The following TSEN34 variants were observed in gnomAD, a reference collection of about 807,000 sequenced individuals.
TSEN34 encodes the protein tRNA splicing endonuclease subunit 34.
A neutral mutation model predicts 30.2 loss-of-function variants in TSEN34; 25 were observed. That is an observed-to-expected ratio of 0.83 (90% CI 0.60 to 1.16). The LOEUF is 1.16. Among genes scored for constraint, TSEN34 ranks in the 50% most tolerant of loss-of-function variants. TSEN34 has a pLI of 0.00. For synonymous variants in TSEN34, 209 were observed against 177.4 expected, an observed-to-expected ratio of 1.18 and a Z score of -1.41; for missense variants, 475 against 411.9, an observed-to-expected ratio of 1.15 and a Z score of -1.33.
chr19:54,191,030 G>C (rs1035378826), upstream of TSEN34: 2 of 1,192,516 alleles, frequency 1.7e-6, no homozygotes, highest in African/African-American at 3.2e-5. Flanking sequence ...ACGCTCCAAG[G>C]CGCAATGGTA....
chr19:54,189,721 G>C (rs1002213273), upstream of TSEN34: 1 of 153,686 alleles, frequency 6.5e-6, no homozygotes, highest in East Asian at 1.9e-4. Flanking sequence ...AATGAGGCGG[G>C]GTCTCCCTTC....
At chr19:54,192,797 G>A (rs887520931) in intron 3 of TSEN34, among the ~76,000 whole-genome samples, 6 of 152,160 alleles carry the variant, frequency 3.9e-5, no homozygotes, top group African/African-American at 1.4e-4. Context: ...CTGAGGTCAG[G>A]AGTTTGATAC....
rs1433857625 is a variant in TSEN34, at chr19:54,191,507, T to G, written c.143T>G (p.Leu48Arg). The G allele has an allele frequency of 6.3e-7, 1 of 1,584,136 alleles. No individual in the cohort carries two copies. Among genetic ancestry groups the G allele is most frequent in the Non-Finnish European group, 8.5e-7 (1 of 1,170,034 alleles). ...RGPRQNSRLG[L>R]PLLLMPEEAR... ...CCCCGCCAGAACTCGCGCCTGGGCC[T>G]CCCGCTGCTGCTGATGCCCGAAGAG... The change falls in exon 1 of 4, where the codon CTC (leucine) becomes CGC (arginine). Residue 48 changes from leucine (L) to arginine (R), a missense_variant. By Grantham distance (102) the Leu-to-Arg change is moderately radical (BLOSUM62 -2). Coordinates refer to ENST00000396388, the MANE Select transcript of TSEN34 (RefSeq NM_001077446.4).
rs773444447 is a variant in TSEN34, at chr19:54,192,130, C to G, written c.502C>G (p.Gln168Glu). The G allele has an allele frequency of 6.2e-7, 1 of 1,614,230 alleles. No individual in the cohort carries two copies. The highest frequency in any genetic ancestry group is 1.7e-5 in the Admixed American group (1 of 60,026). The stretch of plus-strand genomic sequence containing the variant: ...CTCCCCACCAGGCCCCTCGTCTTCC[C>G]AAGCAGGACCCTCAAATGGGGTAGC... The part of the protein sequence containing the change: ...EQEEAGPSSS[Q>E]AGPSNGVAPL... Residue 168 changes from glutamine (Q) to glutamate (E), a missense_variant, in exon 3 of 4, where the codon CAA (glutamine) becomes GAA (glutamate). By Grantham distance (29) the Gln-to-Glu change is conservative. Coordinates refer to ENST00000396388, the MANE Select transcript of TSEN34 (RefSeq NM_001077446.4).
upstream of TSEN34, chr19:54,191,218 G>A (rs1035783359): frequency 2.9e-5 from 41 of 1,425,544 alleles, no homozygotes; most frequent in Non-Finnish European, 3.7e-5. Flanking sequence ...GGCCCAGCAG[G>A]TGGTGAACGG....
At chr19:54,193,010 A>AAAAG (rs2076764007) in intron 3 of TSEN34, among the ~76,000 whole-genome samples, 165 bp from the exon 4 acceptor site, 1 of 151,772 alleles carries the variant, frequency 6.6e-6, no homozygotes, top group South Asian at 2.1e-4. Flanking sequence ...TGTCTCAAAA[A>AAAAG]AAAAAAAAAA....
rs1248443169 is a variant in TSEN34 at position 54,191,756 on chromosome 19, C to A, written c.279C>A (p.Ser93Arg). 2 of 1,614,178 alleles carry A rather than the reference C, an allele frequency of 1.2e-6. No individual in the cohort carries two copies. The change falls in exon 2 of 4, where the codon AGC becomes AGA. Residue 93 changes from serine to arginine, a missense_variant. By Grantham distance (110) the Ser-to-Arg change is moderately radical. Transcript: ENST00000396388. ...LTSFKRQQEE[S>R]FQEQSALAAE... ...CCTTCAAGCGCCAGCAAGAGGAGAGCTTCCAGGAGCAGAGCGCCTTGGCAG... is the reference window on the plus strand; with the variant it reads ...CCTTCAAGCGCCAGCAAGAGGAGAGATTCCAGGAGCAGAGCGCCTTGGCAG...
At position 54,193,948 on chromosome 19, in the gene TSEN34, C is replaced by T. The variant is rs147915974; in HGVS notation, c.*586C>T. The T allele has an allele frequency of 7.6e-5, 34 of 450,168 alleles. No homozygotes were observed. The highest frequency in any genetic ancestry group is 6.2e-4 in the African/African-American group (31 of 50,310). The allele number at this position is 450,168 out of a possible 1,614,324, so 27.9% of individuals were successfully genotyped here. A position where few individuals can be genotyped will look rare whatever the true frequency, so the allele number is the denominator to read the frequency against. ...GGCACGATGACCCACACCTGTAATC[C>T]CACAGAACTTTTGGAGGCCAAGGCA... On this transcript the variant is annotated 3_prime_UTR_variant, in exon 4 of 4. Transcript: ENST00000396388.
At chr19:54,190,956 G>A, upstream of TSEN34, 4 of 1,069,544 alleles carry the variant, frequency 3.7e-6, no homozygotes, top group African/African-American at 1.7e-5. Context: ...CTTTGCAAGA[G>A]GGTGGTGCCA....
At chr19:54,190,258 T>A (rs2076613119), upstream of TSEN34, 1 of 1,077,256 alleles carries the variant, frequency 9.3e-7, no homozygotes, top group African/African-American at 1.6e-5. Flanking sequence ...GCGGCGCTGA[T>A]GGGGCGGGAT....
At position 54,191,551 on chromosome 19, in the gene TSEN34, A is replaced by G; in HGVS notation, c.187A>G (p.Ile63Val). Residue 63 changes from isoleucine (I) to valine (V), a missense_variant, in exon 1 of 4, where the codon ATC becomes GTC. Coordinates refer to ENST00000396388, the MANE Select transcript of TSEN34 (RefSeq NM_001077446.4). The stretch of plus-strand genomic sequence containing the variant: ...CGAAGAGGCGCGGCTCTTGGCCGAG[A>G]TCGGCGCCGTGACTCTGGTCAGCGC... ...MPEEARLLAE[I>V]GAVTLVSAPR... 6 of 1,601,514 alleles carry G rather than the reference A, an allele frequency of 3.7e-6. No individual in the cohort carries two copies. Among genetic ancestry groups the G allele is most frequent in the Non-Finnish European group, 5.1e-6 (6 of 1,179,376 alleles).
At chr19:54,190,696 T>G, upstream of TSEN34, 1 of 1,229,958 alleles carries the variant, frequency 8.1e-7, no homozygotes. Context: ...TTGCTGGCGT[T>G]CGAGAAGGGG....
In TSEN34 at chr19:54,191,345, C is replaced by T. The variant is rs999003134; in HGVS notation, c.-20C>T. 36 of 1,549,212 alleles carry T rather than the reference C, an allele frequency of 2.3e-5. No individual in the cohort carries two copies. The highest frequency in any genetic ancestry group is 7.3e-5 in the East Asian group (3 of 40,912). On this transcript the variant is annotated 5_prime_UTR_variant, in exon 1 of 4. Coordinates refer to ENST00000396388, the MANE Select transcript of TSEN34 (RefSeq NM_001077446.4). The stretch of plus-strand genomic sequence containing the variant: ...GCAGCTGTTTCGGTAACTGCTTTGC[C>T]TCCCGGCTCCCGCAGGAGGATGCTG...
In TSEN34 at chr19:54,191,523, G is replaced by T. The variant is rs1364076773; in HGVS notation, c.159G>T (p.Met53Ile). The change falls in exon 1 of 4, where the codon ATG (methionine) becomes ATT (isoleucine). Residue 53 changes from methionine (M) to isoleucine (I), a missense_variant. Coordinates refer to ENST00000396388, the MANE Select transcript of TSEN34 (RefSeq NM_001077446.4). ...NSRLGLPLLL[M>I]PEEARLLAEI... Reference sequence around the variant, plus strand: ...GCCTGGGCCTCCCGCTGCTGCTGATGCCCGAAGAGGCGCGGCTCTTGGCCG... The same window carrying T: ...GCCTGGGCCTCCCGCTGCTGCTGATTCCCGAAGAGGCGCGGCTCTTGGCCG... 1 of 1,597,032 alleles carries T rather than the reference G, an allele frequency of 6.3e-7. No homozygotes were observed.
At chr19:54,190,769 G>T (rs181685604), upstream of TSEN34, 5 of 1,161,434 alleles carry the variant, frequency 4.3e-6, no homozygotes, top group Non-Finnish European at 5.3e-6. Flanking sequence ...TGCTCGGGAG[G>T]GGGCAGGGTT....
At chr19:54,190,774 A>G (rs2076643047), upstream of TSEN34, 2 of 1,146,946 alleles carry the variant, frequency 1.7e-6, no homozygotes, top group Non-Finnish European at 2.1e-6. Context: ...GGGAGGGGGC[A>G]GGGTTTTGTA....
Position 54,191,837 on chromosome 19 carries a change from G to T in TSEN34, c.360G>T (p.Gln120His), listed in dbSNP as rs2075926586. 1 of 1,614,182 alleles carries T rather than the reference G, an allele frequency of 6.2e-7. No homozygotes were observed. The highest frequency in any genetic ancestry group is 8.5e-7 in the Non-Finnish European group (1 of 1,180,020). ...TCCTGGAGAAGATTACGGAGGGCCA[G>T]GCTGCTAAGAAGCAGAAACTAGAAC... is the stretch of plus-strand genomic sequence containing the variant. ...QELLEKITEG[Q>H]AAKKQKLEQA... is the part of the protein sequence containing the mutation. The change falls in exon 2 of 4, where the codon CAG becomes CAT. Residue 120 changes from glutamine (Q) to histidine (H), a missense_variant. Gln to His is a conservative substitution (Grantham distance 24). Transcript: ENST00000396388.
chr19:54,190,323 CG>C, upstream of TSEN34: 1 of 1,500,050 alleles, frequency 6.7e-7, no homozygotes, highest in South Asian at 1.2e-5. Flanking sequence ...GCGCGTGGCG[CG>C]GTGCGCAGTG....
chr19:54,190,461 CCGAG>C, upstream of TSEN34: 1 of 1,383,230 alleles, frequency 7.2e-7, no homozygotes. Flanking sequence ...GTGAGCCCGC[CCGAG>C]CGGAGAGTGG....
Sources: gnomAD v4.1 joint callset for allele counts (sites outside exome capture counted in the v4.1 genomes callset) on GRCh38, gnomAD v4.1.1 for gene constraint, MANE v1.5 for transcripts, NCBI Gene and HGNC (gene_info 2026-07-23, HGNC 2026-07-21) for gene names.